Variants in CYRIA observed in about 807,000 individuals in gnomAD.
CYRIA encodes CYFIP related Rac1 interactor A, also known as CYFIP-related Rac1 interactor A.
Under a neutral mutation model 43.9 loss-of-function variants are expected in CYRIA, and 15 were observed. The observed-to-expected ratio is 0.34, with a 90% CI of 0.23 to 0.53. The LOEUF is 0.53. CYRIA is among the 20% of genes least tolerant of loss of function. CYRIA has a pLI of 0.94. For synonymous variants in CYRIA, 117 were observed against 136.0 expected, an observed-to-expected ratio of 0.86 and a Z score of 0.97; for missense variants, 236 against 394.2, an observed-to-expected ratio of 0.60 and a Z score of 3.40.
intron 1 of CYRIA, among the ~76,000 whole-genome samples, chr2:16,652,337 C>T (rs557364581): frequency 1.3e-5 from 2 of 152,296 alleles, no homozygotes; most frequent in South Asian, 4.1e-4. Flanking sequence ...TCCTGAGGAG[C>T]AGGATTCAGA....
At chr2:16,571,364 G>A (rs1667121462) in intron 3 of CYRIA, among the ~76,000 whole-genome samples, 1 of 152,326 alleles carries the variant, frequency 6.6e-6, no homozygotes, top group African/African-American at 2.4e-5. Context: ...ACTCCTTGAT[G>A]CTAATGGAGA....
chr2:16,556,504 G>T (rs888244851), intron 10 of CYRIA, among the ~76,000 whole-genome samples: 3 of 152,146 alleles, frequency 2.0e-5, no homozygotes, highest in African/African-American at 7.2e-5. Context: ...AGCAGGGAAT[G>T]CTGTTTGGGA....
Position 16,552,258 on chromosome 2 carries a change from C to A in CYRIA, c.*678G>T, listed in dbSNP as rs996031705. The A allele has an allele frequency of 6.6e-6, 1 of 152,056 alleles. No homozygotes were observed. The highest frequency in any genetic ancestry group is 2.4e-5 in the African/African-American group (1 of 41,402). 9.4% of individuals were successfully genotyped at this position (152,056 alleles called of 1,614,324 possible). On this transcript the variant is annotated 3_prime_UTR_variant, in exon 12 of 12. Coordinates refer to ENST00000381323, the MANE Select transcript of CYRIA (RefSeq NM_030797.4). ...ACCTTCATCAGTCCAGTGGCAACAG[C>A]ACATCTATCTATTTCTGCTGCTCTC...
intron 3 of CYRIA, among the ~76,000 whole-genome samples, chr2:16,571,794 C>T (rs1361369744): frequency 6.6e-6 from 1 of 152,162 alleles, no homozygotes; most frequent in African/African-American, 2.4e-5. Context: ...CCACCCACTT[C>T]CTCTCTCCTC....
chr2:16,664,746 G>C (rs1289795109), intron 1 of CYRIA, among the ~76,000 whole-genome samples: 3 of 152,196 alleles, frequency 2.0e-5, no homozygotes, highest in South Asian at 4.1e-4. Context: ...TGGTGACAGA[G>C]AGGAAAGTTT....
chr2:16,663,565 G>A (rs543275473), intron 1 of CYRIA, among the ~76,000 whole-genome samples: 25 of 151,746 alleles, frequency 1.6e-4, no homozygotes, highest in South Asian at 4.2e-4. Flanking sequence ...TGAACTCCTT[G>A]CCCAGGGCTG....
intron 2 of CYRIA, among the ~76,000 whole-genome samples, chr2:16,603,565 A>G (rs1318007673): frequency 1.3e-5 from 2 of 151,742 alleles, no homozygotes; most frequent in Non-Finnish European, 2.9e-5. Context: ...CTCCCCCTCT[A>G]TTCTACACCA....
At chr2:16,629,646 C>T (rs1482539426) in intron 1 of CYRIA, among the ~76,000 whole-genome samples, 1 of 152,184 alleles carries the variant, frequency 6.6e-6, no homozygotes, top group Non-Finnish European at 1.5e-5. Context: ...GAGGCACTGA[C>T]GTGCAGGGCT....
chr2:16,613,705 C>T (rs907744393), intron 2 of CYRIA, among the ~76,000 whole-genome samples: 8 of 152,168 alleles, frequency 5.3e-5, no homozygotes, highest in Admixed American at 4.6e-4. Flanking sequence ...AACACAAATG[C>T]AGAAATTTGT....
chr2:16,576,474 C>T (rs1007572922), intron 3 of CYRIA, among the ~76,000 whole-genome samples: 3 of 152,154 alleles, frequency 2.0e-5, no homozygotes, highest in Admixed American at 6.5e-5. Flanking sequence ...ATGGCATCGT[C>T]GAAGCTATTA....
At chr2:16,555,528 A>G (rs766253008) in intron 10 of CYRIA, among the ~76,000 whole-genome samples, 1 of 151,990 alleles carries the variant, frequency 6.6e-6, no homozygotes, top group African/African-American at 2.4e-5. Flanking sequence ...GTCTCAGTTG[A>G]GATTTACTGA....
At position 16,561,440 on chromosome 2, in the gene CYRIA, C is replaced by G. The variant is rs575505078; in HGVS notation, c.513+16G>C. The G allele has an allele frequency of 6.2e-7, 1 of 1,612,182 alleles. No homozygotes were observed. Among genetic ancestry groups the G allele is most frequent in the South Asian group, 1.1e-5 (1 of 91,040 alleles). ...ATGGAGAAGGGTGCAAAGGTCAAGG[C>G]GACCCAGGGACTCACGTGCATGTTG... On this transcript the variant is annotated intron_variant, in intron 7 of 11. Coordinates refer to ENST00000381323, the MANE Select transcript of CYRIA (RefSeq NM_030797.4).
chr2:16,562,503 C>T (rs529668133), intron 5 of CYRIA, among the ~76,000 whole-genome samples: 6 of 152,220 alleles, frequency 3.9e-5, no homozygotes, highest in African/African-American at 1.4e-4. Context: ...TGAGACGGTG[C>T]CCTAAACACA....
intron 1 of CYRIA, among the ~76,000 whole-genome samples, chr2:16,660,050 G>C (rs1277523050): frequency 6.6e-6 from 1 of 152,118 alleles, no homozygotes; most frequent in Non-Finnish European, 1.5e-5. Flanking sequence ...CTCCTTGAGA[G>C]GATTCCTTGA....
chr2:16,569,198 C>T (rs772920752), intron 3 of CYRIA, among the ~76,000 whole-genome samples: 12 of 152,112 alleles, frequency 7.9e-5, no homozygotes, highest in Admixed American at 7.2e-4. Flanking sequence ...CCAGAGGAGG[C>T]GGACTTCAGG....
At chr2:16,659,167 A>G (rs1670186247) in intron 1 of CYRIA, among the ~76,000 whole-genome samples, 1 of 152,204 alleles carries the variant, frequency 6.6e-6, no homozygotes, top group Admixed American at 6.5e-5. Flanking sequence ...GCAGAAACTC[A>G]CCAGCTCTTT....
chr2:16,635,186 A>C (rs1669456660), intron 1 of CYRIA, among the ~76,000 whole-genome samples: 1 of 152,160 alleles, frequency 6.6e-6, no homozygotes, highest in Non-Finnish European at 1.5e-5. Context: ...CTGGACAGGG[A>C]TGCTGCCAAG....
intron 11 of CYRIA, among the ~76,000 whole-genome samples, chr2:16,554,630 C>T (rs1666438083): frequency 6.6e-6 from 1 of 152,176 alleles, no homozygotes; most frequent in African/African-American, 2.4e-5. Context: ...GAGTCACATG[C>T]AGTCAGAATC....
At chr2:16,592,722 A>G (rs956047182) in intron 2 of CYRIA, among the ~76,000 whole-genome samples, 3 of 151,338 alleles carry the variant, frequency 2.0e-5, no homozygotes, top group Admixed American at 2.0e-4. Context: ...TGTGAAACAG[A>G]CTCTTCTCTT....
Sources: allele counts gnomAD v4.1 joint callset (sites outside exome capture counted in the v4.1 genomes callset), GRCh38; gene constraint gnomAD v4.1.1; transcripts MANE v1.5; gene names NCBI Gene and HGNC (gene_info 2026-07-23, HGNC 2026-07-21).